Variants in ARHGAP26 observed in about 807,000 individuals in gnomAD.
ARHGAP26 encodes Rho GTPase activating protein 26, also known as rho GTPase-activating protein 26.
ARHGAP26 carries 38 observed loss-of-function variants against 104.8 expected under a neutral mutation model. The ratio of observed to expected loss-of-function variants is 0.36; its 90% CI spans 0.28 to 0.48. The LOEUF is 0.48. ARHGAP26 is among the 20% of genes least tolerant of loss of function. The pLI is 0.99. For synonymous variants in ARHGAP26, 341 were observed against 340.0 expected, an observed-to-expected ratio of 1.00 and a Z score of -0.03; for missense variants, 704 against 947.9, an observed-to-expected ratio of 0.74 and a Z score of 3.38.
rs1391895488 is a variant in ARHGAP26, at chr5:143,216,261, G to T, written c.2191+2173G>T. Reference sequence around the variant, plus strand: ...CCGGGCACCTCCACCTCTCACCTGGGCACTTCCACTGGCCGCCTGACACAT... The same window carrying T: ...CCGGGCACCTCCACCTCTCACCTGGTCACTTCCACTGGCCGCCTGACACAT... On this transcript the variant is annotated intron_variant, in intron 22 of 22. Coordinates refer to ENST00000645722, the MANE Select transcript of ARHGAP26 (RefSeq NM_001135608.3). 6 of 470,956 alleles carry T rather than the reference G, an allele frequency of 1.3e-5. No homozygotes were observed. In the Admixed American group the frequency reaches 1.4e-4, roughly 11 times the overall value. The allele number at this position is 470,956 out of a possible 1,614,324, so 29.2% of individuals were successfully genotyped here.
At chr5:143,192,826 T>C (rs1806143283) in intron 20 of ARHGAP26, among the ~76,000 whole-genome samples, 1 of 151,450 alleles carries the variant, frequency 6.6e-6, no homozygotes, top group Non-Finnish European at 1.5e-5. Context: ...TTCTTCCCTC[T>C]TTTTTTTTCA....
intron 17 of ARHGAP26, among the ~76,000 whole-genome samples, chr5:143,077,071 T>A (rs1789146100): frequency 6.6e-6 from 1 of 152,258 alleles, no homozygotes; most frequent in African/African-American, 2.4e-5. Context: ...AATTGGCTTA[T>A]ATGCCTGATA....
At chr5:143,203,557 C>G (rs1808100759) in intron 20 of ARHGAP26, 1 of 152,178 alleles carries the variant, frequency 6.6e-6, no homozygotes, top group Non-Finnish European at 1.5e-5. Context: ...TTTGACCCAG[C>G]AATCCCACTA....
In ARHGAP26 at chr5:143,164,419, CAGTTATTA is replaced by C. The variant is rs1298981184; in HGVS notation, c.1988+17051_1988+17058del. Among the ~76,000 whole-genome samples, 3 of 152,120 alleles carry C rather than the reference CAGTTATTA, an allele frequency of 2.0e-5. 1 individual carries two copies. The South Asian group carries it at 6.2e-4, about 32-fold the overall frequency. ...ATTAAATTTCCTCTTCCTTACAAGCCAGTTATTAAGTTATTAAGTTCTGCCTTTAATTT... is the reference window on the plus strand; with the variant it reads ...ATTAAATTTCCTCTTCCTTACAAGCCAGTTATTAAGTTCTGCCTTTAATTT... On this transcript the variant is annotated intron_variant, in intron 20 of 22. Transcript: ENST00000645722.
At chr5:143,219,262 T>TA (rs1243744280) in intron 22 of ARHGAP26, among the ~76,000 whole-genome samples, 1 of 152,196 alleles carries the variant, frequency 6.6e-6, no homozygotes, top group Non-Finnish European at 1.5e-5. Context: ...CAGATAATAA[T>TA]AATACAAGCT....
chr5:142,901,435 A>T (rs190642605), intron 6 of ARHGAP26, among the ~76,000 whole-genome samples: 67 of 152,288 alleles, frequency 4.4e-4, no homozygotes, highest in Non-Finnish European at 7.6e-4. Context: ...CTTTGATTTG[A>T]CTTTGCCTGT....
chr5:142,983,498 G>A (rs989062172), intron 11 of ARHGAP26, among the ~76,000 whole-genome samples: 4 of 152,170 alleles, frequency 2.6e-5, no homozygotes, highest in Admixed American at 6.5e-5. Context: ...GAGCCTCCAC[G>A]ACCAGCCTGG....
chr5:142,842,192 T>C (rs1770944789), intron 1 of ARHGAP26, among the ~76,000 whole-genome samples: 2 of 152,260 alleles, frequency 1.3e-5, no homozygotes, highest in African/African-American at 4.8e-5. Flanking sequence ...GTTTGCTTTT[T>C]TCAAGTGATA....
rs1393813113 is a variant in ARHGAP26 at position 143,057,759 on chromosome 5, A to T, written c.1538+12A>T. ...AACCACTTGGCAAAGTAGGTTTAAG[A>T]CCAATTACTAGCCTTTTTCTTACCC... On this transcript the variant is annotated intron_variant, in intron 17 of 22. Coordinates refer to ENST00000645722, the MANE Select transcript of ARHGAP26 (RefSeq NM_001135608.3). 1 of 1,604,582 alleles carries T rather than the reference A, an allele frequency of 6.2e-7. No individual in the cohort carries two copies. Among genetic ancestry groups the T allele is most frequent in the East Asian group, 2.2e-5 (1 of 44,826 alleles).
intron 11 of ARHGAP26, among the ~76,000 whole-genome samples, chr5:142,996,806 G>A (rs1776470565): frequency 6.6e-6 from 1 of 152,156 alleles, no homozygotes; most frequent in Non-Finnish European, 1.5e-5. Flanking sequence ...CCATCTGCAT[G>A]GAGGCATTGT....
intron 17 of ARHGAP26, among the ~76,000 whole-genome samples, chr5:143,101,122 A>G (rs956497388): frequency 3.3e-5 from 5 of 152,096 alleles, no homozygotes; most frequent in Admixed American, 6.6e-5. Flanking sequence ...AAAAAACCAA[A>G]GAGTTCTGAA....
At chr5:142,895,363 T>C (rs1446610770) in intron 6 of ARHGAP26, among the ~76,000 whole-genome samples, 1 of 152,120 alleles carries the variant, frequency 6.6e-6, no homozygotes, top group Non-Finnish European at 1.5e-5. Flanking sequence ...CCTCAGTAGC[T>C]GGGACTACAG....
intron 11 of ARHGAP26, chr5:142,947,162 G>C (rs1429315175): frequency 1.3e-5 from 2 of 148,458 alleles, no homozygotes; most frequent in Non-Finnish European, 3.0e-5. Flanking sequence ...TGAGCTGAGA[G>C]ACCTCTCAGG....
chr5:142,919,428 A>G (rs1762906382), intron 10 of ARHGAP26: 2 of 398,574 alleles, frequency 5.0e-6, no homozygotes, highest in East Asian at 3.6e-5. Context: ...GAAGCAATAA[A>G]TTTCTGTTGA....
At chr5:142,825,725 A>G (rs1165988048) in intron 1 of ARHGAP26, among the ~76,000 whole-genome samples, 1 of 152,252 alleles carries the variant, frequency 6.6e-6, no homozygotes, top group Non-Finnish European at 1.5e-5. Context: ...CAAGTAGTTA[A>G]GAGCCGATAT....
chr5:142,793,732 T>A (rs1227482920), intron 1 of ARHGAP26, among the ~76,000 whole-genome samples: 2 of 152,038 alleles, frequency 1.3e-5, no homozygotes, highest in Admixed American at 1.3e-4. Context: ...GGATTACAGA[T>A]GTGCGCCACC....
intron 17 of ARHGAP26, among the ~76,000 whole-genome samples, chr5:143,101,265 G>A (rs1027743311): frequency 6.6e-6 from 1 of 152,148 alleles, no homozygotes; most frequent in Non-Finnish European, 1.5e-5. Context: ...AGAGATGAGG[G>A]CAAAACAGAA....
intron 10 of ARHGAP26, among the ~76,000 whole-genome samples, chr5:142,927,552 A>G (rs1036782422): frequency 1.3e-5 from 2 of 152,206 alleles, no homozygotes; most frequent in African/African-American, 4.8e-5. Flanking sequence ...GTTCAAATAT[A>G]CAACAGTTTA....
chr5:143,076,132 A>G (rs965150335), intron 17 of ARHGAP26, among the ~76,000 whole-genome samples: 4 of 149,674 alleles, frequency 2.7e-5, no homozygotes, highest in Non-Finnish European at 4.4e-5. Context: ...AACTAGGACT[A>G]CAGGTGTGCG....
Sources: gnomAD v4.1 joint callset for allele counts (sites outside exome capture counted in the v4.1 genomes callset) on GRCh38, gnomAD v4.1.1 for gene constraint, MANE v1.5 for transcripts, NCBI Gene and HGNC (gene_info 2026-07-23, HGNC 2026-07-21) for gene names.